Variants in BRINP1 observed in about 807,000 individuals in gnomAD.
The protein encoded by BRINP1 is BMP/retinoic acid inducible neural specific 1.
A neutral mutation model predicts 72.9 loss-of-function variants in BRINP1; 17 were observed. The observed-to-expected ratio is 0.23, with a 90% CI of 0.16 to 0.35. The LOEUF (loss-of-function observed/expected upper bound fraction) is 0.35, where lower values mean the gene tolerates loss of function less well. Among genes scored for constraint, BRINP1 ranks in the 10% least tolerant of loss-of-function variants. The pLI, the probability that BRINP1 is intolerant of heterozygous loss-of-function variation, is 1.00. For missense variants in BRINP1, 850 were observed against 1,001.6 expected (o/e 0.85, Z 2.04); for synonymous variants, 418 against 378.5 (o/e 1.10, Z -1.21).
intron 7 of BRINP1, among the ~76,000 whole-genome samples, chr9:119,171,975 T>C: frequency 1.5e-5 from 2 of 129,310 alleles, no homozygotes; most frequent in East Asian, 2.0e-4. Context: ...TGGGACACAT[T>C]CAAAGCAGTG....
In BRINP1 at chr9:119,238,054, T is replaced by C. The variant is rs546956718; in HGVS notation, c.685+601A>G. 2.0e-5 allele frequency among the ~76,000 whole-genome samples: 3 copies of C among 152,322 alleles called. 1 individual carries two copies. The South Asian group carries it at 6.2e-4, about 32-fold the overall frequency. On this transcript the variant is annotated intron_variant, in intron 5 of 7. Transcript: ENST00000265922. Reference sequence around the variant, plus strand: ...CATTATATCACATTATTTTTACATATTATTGGAAATTCTTTATAAACATCA... The same window carrying C: ...CATTATATCACATTATTTTTACATACTATTGGAAATTCTTTATAAACATCA...
chr9:119,343,801 A>C (rs1831426433), intron 1 of BRINP1, among the ~76,000 whole-genome samples: 2 of 152,114 alleles, frequency 1.3e-5, no homozygotes, highest in Admixed American at 1.3e-4. Context: ...GGTTGACCCC[A>C]ACCCACCTAC....
At chr9:119,364,936 G>A (rs1831675649) in intron 1 of BRINP1, among the ~76,000 whole-genome samples, 1 of 152,270 alleles carries the variant, frequency 6.6e-6, no homozygotes, top group South Asian at 2.1e-4. Flanking sequence ...TAGCTAGAAA[G>A]TGTGAGAGAC....
In BRINP1 at chr9:119,242,021, C is replaced by T. The variant is rs570258711; in HGVS notation, c.579+26G>A. The T allele has an allele frequency of 3.3e-5, 53 of 1,606,846 alleles. 1 individual carries two copies. Among genetic ancestry groups the T allele is most frequent in the South Asian group, 2.9e-4 (26 of 90,108 alleles). On this transcript the variant is annotated intron_variant, in intron 4 of 7. Coordinates refer to ENST00000265922, the MANE Select transcript of BRINP1 (RefSeq NM_014618.3). ...CAGTGTTGTTGTATTGAGAACCTGT[C>T]GCCCAAATCCACCCCGGAGCTGTAC...
chr9:119,175,237 A>G lies in BRINP1; in HGVS notation c.1146-7013T>C, dbSNP rs150184342. ...TTGCACGGACATGGATTAAGCTGGA[A>G]ACCATCACACTCAGCAAACTAACAA... On this transcript the variant is annotated intron_variant, in intron 7 of 7. Transcript: ENST00000265922. Among the ~76,000 whole-genome samples the G allele has an allele frequency of 3.7e-3, 569 of 152,248 alleles. 4 individuals are homozygous for G. Among genetic ancestry groups the G allele is most frequent in the African/African-American group, 0.012 (518 of 41,532 alleles).
At chr9:119,302,762 A>G (rs1398444831) in intron 2 of BRINP1, among the ~76,000 whole-genome samples, 1 of 151,798 alleles carries the variant, frequency 6.6e-6, no homozygotes, top group Non-Finnish European at 1.5e-5. Flanking sequence ...TACTTAAAAT[A>G]TTTTCTTGGA....
chr9:119,236,068 T>C (rs926090694), intron 5 of BRINP1, among the ~76,000 whole-genome samples: 4 of 152,200 alleles, frequency 2.6e-5, no homozygotes, highest in Non-Finnish European at 5.9e-5. Context: ...TTAATATTAA[T>C]GGGATTGATT....
intron 2 of BRINP1, among the ~76,000 whole-genome samples, chr9:119,289,760 T>A (rs1830803425): frequency 6.6e-6 from 1 of 152,208 alleles, no homozygotes; most frequent in East Asian, 1.9e-4. Context: ...CATGCATTGG[T>A]TAATAACTCA....
chr9:119,286,612 C>A (rs1830763576), intron 2 of BRINP1, among the ~76,000 whole-genome samples: 1 of 152,158 alleles, frequency 6.6e-6, no homozygotes, highest in African/African-American at 2.4e-5. Context: ...AAAAAAGATT[C>A]AGCGTTTTCA....
intron 2 of BRINP1, among the ~76,000 whole-genome samples, chr9:119,251,688 A>G (rs1017367897): frequency 1.6e-5 from 1 of 63,112 alleles, no homozygotes; most frequent in Non-Finnish European, 3.9e-5. Context: ...AGGGCAGAAT[A>G]AAATAGGGGG....
intron 4 of BRINP1, among the ~76,000 whole-genome samples, chr9:119,240,194 G>T (rs930584705): frequency 6.6e-6 from 1 of 152,088 alleles, no homozygotes; most frequent in Admixed American, 6.6e-5. Flanking sequence ...GCTTGAAACC[G>T]GGAACTGGAG....
intron 2 of BRINP1, among the ~76,000 whole-genome samples, chr9:119,297,059 G>A (rs946335631): frequency 6.6e-6 from 1 of 152,098 alleles, no homozygotes; most frequent in African/African-American, 2.4e-5. Context: ...CTGTGTGGGT[G>A]ATGGACACCT....
intron 2 of BRINP1, among the ~76,000 whole-genome samples, chr9:119,288,891 G>A (rs1166087066): frequency 6.6e-6 from 1 of 152,120 alleles, no homozygotes; most frequent in African/African-American, 2.4e-5. Flanking sequence ...TGCCTCCCAG[G>A]TTCAAGCTAT....
At chr9:119,320,915 G>C (rs1349080600) in intron 1 of BRINP1, among the ~76,000 whole-genome samples, 2 of 152,114 alleles carry the variant, frequency 1.3e-5, no homozygotes, top group Admixed American at 6.5e-5. Context: ...CCAGGAGAGG[G>C]AGGGGTTATG....
chr9:119,327,622 A>G (rs960378927), intron 1 of BRINP1, among the ~76,000 whole-genome samples: 1 of 152,202 alleles, frequency 6.6e-6, no homozygotes, highest in Non-Finnish European at 1.5e-5. Flanking sequence ...TAGATTATAC[A>G]TGGTCTGAAC....
Position 119,167,125 on chromosome 9 carries a change from T to C in BRINP1, c.2245A>G (p.Ile749Val). The C allele has an allele frequency of 6.2e-7, 1 of 1,613,134 alleles. No homozygotes were observed. The highest frequency in any genetic ancestry group is 8.5e-7 in the Non-Finnish European group (1 of 1,179,426). ...GTCATCTGGTCCGACTGTTTGAGGA[T>C]CTCCGTGTTGTACAGGTCCAAGGCG... is the stretch of plus-strand genomic sequence containing the variant. ...NHALDLYNTE[I>V]LKQSDQMTAK... The change falls in exon 8 of 8, where the codon ATC becomes GTC. Residue 749 changes from isoleucine (I) to valine (V), a missense_variant. By Grantham distance (29) the Ile-to-Val change is conservative. Transcript: ENST00000265922. This position sits in a 1 kb window ranked among gnomAD's most constrained non-coding sequence, Gnocchi z 4.3.
intron 2 of BRINP1, among the ~76,000 whole-genome samples, chr9:119,286,526 G>A (rs141359686): frequency 2.4e-4 from 36 of 152,314 alleles, no homozygotes; most frequent in African/African-American, 7.5e-4. Flanking sequence ...GAGCCACTGC[G>A]CCCGGCCATC....
chr9:119,368,976 G>A lies in BRINP1; in HGVS notation c.-51+80C>T, dbSNP rs924079774. The A allele has an allele frequency of 5.1e-6, 2 of 389,832 alleles. No homozygotes were observed. Among genetic ancestry groups the A allele is most frequent in the Non-Finnish European group, 9.1e-6 (2 of 220,784 alleles). 24.1% of individuals were successfully genotyped at this position (389,832 alleles called of 1,614,324 possible). On this transcript the variant is annotated intron_variant, in intron 1 of 7. Coordinates refer to ENST00000265922, the MANE Select transcript of BRINP1 (RefSeq NM_014618.3). The surrounding 1 kb of genome is among the most constrained non-coding windows in gnomAD (Gnocchi z 4.7). ...CCGGTAGGGGGAGGGGCAGAGGAGCGCGGGGACGCCCCGAATGCGGCCCGG... is the reference window on the plus strand; with the variant it reads ...CCGGTAGGGGGAGGGGCAGAGGAGCACGGGGACGCCCCGAATGCGGCCCGG...
intron 2 of BRINP1, among the ~76,000 whole-genome samples, chr9:119,310,545 T>A (rs1024935475): frequency 6.6e-6 from 1 of 152,098 alleles, no homozygotes; most frequent in East Asian, 1.9e-4. Flanking sequence ...TTAACCTAGT[T>A]AAATAAGGAG....
Sources: gnomAD v4.1 joint callset for allele counts (sites outside exome capture counted in the v4.1 genomes callset) on GRCh38, gnomAD v4.1.1 for gene constraint, Gnocchi (gnomAD v3.1) non-coding constraint, MANE v1.5 for transcripts, NCBI Gene and HGNC (gene_info 2026-07-23, HGNC 2026-07-21) for gene names.